Variants in GRIK3 observed in about 807,000 individuals in gnomAD.
GRIK3 encodes the protein glutamate receptor ionotropic, kainate 3.
Under a neutral mutation model 102.5 loss-of-function variants are expected in GRIK3, and 29 were observed. The ratio of observed to expected loss-of-function variants is 0.28; its 90% CI spans 0.21 to 0.39. The LOEUF (loss-of-function observed/expected upper bound fraction) is 0.39. Ranked by LOEUF, GRIK3 falls within the 10% of genes least tolerant of loss-of-function variation. GRIK3 has a pLI of 1.00. For missense variants in GRIK3, 908 were observed against 1,252.4 expected (o/e 0.73, Z 4.15); for synonymous variants, 511 against 504.9 (o/e 1.01, Z -0.16).
chr1:36,825,697 C>T lies in GRIK3; in HGVS notation c.1660G>A (p.Val554Ile), dbSNP rs200138348. Residue 554 changes from valine (V) to isoleucine (I), a missense_variant, in exon 11 of 16, where the codon GTC becomes ATC. Physicochemically the swap from Val to Ile is conservative, Grantham distance 29. Around this residue, in one of 3 missense-constraint regions of GRIK3, gnomAD observed 585 missense variants for 824.9 expected, o/e 0.71. Transcript: ENST00000373091. ...GACAGGGGATTGAGGAAGGAGAAGACGCTGGGGTTGGTGCCATTGGGCTTT... is the reference window on the plus strand; with the variant it reads ...GACAGGGGATTGAGGAAGGAGAAGATGCTGGGGTTGGTGCCATTGGGCTTT... ...YRKPNGTNPS[V>I]FSFLNPLSPD... is the part of the protein sequence containing the mutation. 584 of 1,613,756 alleles carry T rather than the reference C, an allele frequency of 3.6e-4. 12 individuals are homozygous for T. In the South Asian group the frequency reaches 5.8e-3, roughly 16 times the overall value.
At chr1:36,992,725 T>G (rs1353720339) in intron 1 of GRIK3, among the ~76,000 whole-genome samples, 1 of 152,186 alleles carries the variant, frequency 6.6e-6, no homozygotes, top group Non-Finnish European at 1.5e-5. Flanking sequence ...ATAGCTCACA[T>G]TTATGGAGTG....
At chr1:36,822,423 G>GCAGT (rs1307275510) in intron 11 of GRIK3, among the ~76,000 whole-genome samples, 1 of 152,230 alleles carries the variant, frequency 6.6e-6, no homozygotes, top group Non-Finnish European at 1.5e-5. Flanking sequence ...CGAGGATCCT[G>GCAGT]CAGTCAGTGG....
At chr1:36,926,331 T>C (rs6697080) in intron 1 of GRIK3, among the ~76,000 whole-genome samples, 151,326 of 152,202 alleles carry the variant, frequency 0.99, 75,236 homozygotes, top group East Asian at 1. Context: ...TCACAGTTCA[T>C]GAACAATGCA....
In GRIK3 at chr1:37,021,304, TG is replaced by T. The variant is rs561118816; in HGVS notation, c.115+12689del. ...TCCCAACCCGTGAAAGAAAAAAAAA[TG>T]GGGACAGGTAGTGCTCCTGTAGCCC... On this transcript the variant is annotated intron_variant, in intron 1 of 15. Coordinates refer to ENST00000373091, the MANE Select transcript of GRIK3 (RefSeq NM_000831.4). 1.6e-4 allele frequency among the ~76,000 whole-genome samples: 25 copies of T among 151,988 alleles called. 1 individual carries two copies. In the East Asian group the frequency reaches 4.8e-3, roughly 29 times the overall value.
intron 1 of GRIK3, among the ~76,000 whole-genome samples, chr1:37,004,385 T>C (rs1479147238): frequency 6.6e-6 from 1 of 152,214 alleles, no homozygotes; most frequent in African/African-American, 2.4e-5. Context: ...GAATTGTTAC[T>C]GCAATTGTTC....
intron 9 of GRIK3, among the ~76,000 whole-genome samples, chr1:36,845,605 G>A (rs763464280): frequency 6.6e-6 from 1 of 152,192 alleles, no homozygotes; most frequent in African/African-American, 2.4e-5. Flanking sequence ...GACAGGTAAC[G>A]TCAGCCCATA....
chr1:36,958,839 G>A (rs1641960443), intron 1 of GRIK3, among the ~76,000 whole-genome samples: 2 of 105,104 alleles, frequency 1.9e-5, no homozygotes, highest in Non-Finnish European at 2.0e-5. Flanking sequence ...TCTGTGCCTT[G>A]TGACTCTGTG....
chr1:37,017,369 TAAAAAAA>T (rs774819790), intron 1 of GRIK3, among the ~76,000 whole-genome samples: 18 of 48,524 alleles, frequency 3.7e-4, no homozygotes, highest in East Asian at 7.9e-4. Context: ...CCCTGTCTCT[TAAAAAAA>T]AAAAAAAAAA....
rs1177047296 is a variant in GRIK3 at position 36,891,030 on chromosome 1, C to T, written c.182G>A (p.Arg61Gln). The T allele has an allele frequency of 3.7e-6, 6 of 1,614,032 alleles. No homozygotes were observed. Among genetic ancestry groups the T allele is most frequent in the African/African-American group, 1.3e-5 (1 of 75,028 alleles). ...QVMNAEEHAF[R>Q]FSANIINRNR... ...CCTGTTGATGATGTTGGCAGAAAAT[C>T]GAAAGGCATGCTCCTCGGCATTCAT... The change falls in exon 2 of 16, where the codon CGA (arginine) becomes CAA (glutamine). Residue 61 changes from arginine (R) to glutamine (Q), a missense_variant. Arg to Gln is a conservative substitution (Grantham distance 43). Around this residue, in one of 3 missense-constraint regions of GRIK3, gnomAD observed 585 missense variants for 824.9 expected, o/e 0.71. Transcript: ENST00000373091.
chr1:36,908,545 C>A (rs527996554), intron 1 of GRIK3, among the ~76,000 whole-genome samples: 1 of 152,172 alleles, frequency 6.6e-6, no homozygotes, highest in South Asian at 2.1e-4. Context: ...GAGGCTGCCC[C>A]CCTTTCCACT....
rs1209966752 is a variant in GRIK3 at position 36,816,939 on chromosome 1, C to T, written c.2091+121G>A. 3.7e-5 allele frequency: 26 copies of T among 695,116 alleles called. No homozygotes were observed. In the South Asian group the frequency reaches 4.3e-4, roughly 12 times the overall value. The allele number at this position is 695,116 out of a possible 1,614,324, so 43.1% of individuals were successfully genotyped here. Reference sequence around the variant, plus strand: ...TCCAAACACGGTGGGGCTGAGAGGGCTTCTGACCCATTGGCCATGCGTGGT... The same window carrying T: ...TCCAAACACGGTGGGGCTGAGAGGGTTTCTGACCCATTGGCCATGCGTGGT... On this transcript the variant is annotated intron_variant, in intron 13 of 15. Transcript: ENST00000373091.
At chr1:36,963,964 G>C (rs1385843673) in intron 1 of GRIK3, among the ~76,000 whole-genome samples, 1 of 152,214 alleles carries the variant, frequency 6.6e-6, no homozygotes, top group Non-Finnish European at 1.5e-5. Context: ...GAAGAGACAG[G>C]GTTTAAAGCC....
Position 36,957,829 on chromosome 1 carries a change from GTGTGTCCCATGACTC to G in GRIK3, c.116-66748_116-66734del, listed in dbSNP as rs1454282635. On this transcript the variant is annotated intron_variant, in intron 1 of 15. Transcript: ENST00000373091. Reference sequence around the variant, plus strand: ...ATGAACCTATGTGTCCCGTGAGCCTGTGTGTCCCATGACTCTGTGCCCCGTGAGTCTGTGTGCCCC... The same window carrying G: ...ATGAACCTATGTGTCCCGTGAGCCTGTGTGCCCCGTGAGTCTGTGTGCCCC... Among the ~76,000 whole-genome samples the G allele has an allele frequency of 1.0e-4, 12 of 116,402 alleles. 1 individual carries two copies. The highest frequency in any genetic ancestry group is 1.9e-4 in the Admixed American group (2 of 10,500). 76.4% of individuals were successfully genotyped at this position (116,402 alleles called of 152,430 possible).
At chr1:37,033,387 G>A (rs1315759960) in intron 1 of GRIK3, among the ~76,000 whole-genome samples, 1 of 152,160 alleles carries the variant, frequency 6.6e-6, no homozygotes, top group African/African-American at 2.4e-5. Context: ...GGCCCCGAGG[G>A]ACCAGCTGCA....
At chr1:36,814,585 T>A (rs1642602943) in intron 13 of GRIK3, among the ~76,000 whole-genome samples, 1 of 140,932 alleles carries the variant, frequency 7.1e-6, no homozygotes, top group African/African-American at 2.7e-5. Context: ...CATATATACA[T>A]GCATGGATCA....
At chr1:37,011,847 G>C (rs1359141128) in intron 1 of GRIK3, among the ~76,000 whole-genome samples, 1 of 152,184 alleles carries the variant, frequency 6.6e-6, no homozygotes, top group African/African-American at 2.4e-5. Context: ...ACGAATGATG[G>C]GTCTTGCAGG....
chr1:37,023,438 A>G (rs1411850091), intron 1 of GRIK3, among the ~76,000 whole-genome samples: 2 of 152,160 alleles, frequency 1.3e-5, no homozygotes. Flanking sequence ...TGTTCAATGC[A>G]GTGGATCAGA....
intron 1 of GRIK3, among the ~76,000 whole-genome samples, chr1:36,923,581 TTGCAGACTTTA>T (rs1480114430): frequency 6.6e-6 from 1 of 152,208 alleles, no homozygotes; most frequent in Non-Finnish European, 1.5e-5. Context: ...AGCTCTATCC[TTGCAGACTTTA>T]TGCAAGCTGA....
At chr1:36,841,606 C>T (rs1203690340) in intron 10 of GRIK3, 130 bp downstream of exon 10, 3 of 757,584 alleles carry the variant, frequency 4.0e-6, no homozygotes, top group African/African-American at 1.7e-5. Context: ...CTCAAGGTTG[C>T]AGCATTCATC....
Sources: allele counts gnomAD v4.1 joint callset (sites outside exome capture counted in the v4.1 genomes callset), GRCh38; gene constraint gnomAD v4.1.1; regional missense constraint gnomAD v4.1.1; transcripts MANE v1.5; gene names NCBI Gene and HGNC (gene_info 2026-07-23, HGNC 2026-07-21).